CYP24A1: variants seen among roughly 807,000 people sequenced by gnomAD.
CYP24A1 encodes 1,25-dihydroxyvitamin D(3) 24-hydroxylase, mitochondrial.
CYP24A1 carries 68 observed loss-of-function variants against 62.4 expected under a neutral mutation model. That is an observed-to-expected ratio of 1.09 (90% confidence interval 0.90 to 1.33). CYP24A1 has a LOEUF of 1.33. CYP24A1 is among the 40% of genes most tolerant of loss of function. The pLI is 0.00. For missense variants in CYP24A1, 787 were observed against 653.0 expected (o/e 1.21, Z -2.24); for synonymous variants, 267 against 253.0 (o/e 1.06, Z -0.52).
rs1207503913 is a variant in CYP24A1, at chr20:54,159,091, AT to A, written c.1022del (p.Asn341IlefsTer31). 2.8e-5 allele frequency: 45 copies of A among 1,613,912 alleles called. No homozygotes were observed. Among genetic ancestry groups the A allele is most frequent in the Non-Finnish European group, 3.6e-5 (43 of 1,179,912 alleles). On this transcript the variant is annotated frameshift_variant, in exon 8 of 12. Coordinates refer to ENST00000216862, the MANE Select transcript of CYP24A1 (RefSeq NM_000782.5). LOFTEE classifies it high-confidence loss of function. ...TANSLMWILY[N>X]LSRNPQVQQK... ...GTTGCACTTGGGGATTACGGGATAA[AT>A]TGTAGAGAATCCACATTAGACTGTT...
At chr20:54,156,671 G>A (rs541424237) in intron 11 of CYP24A1, among the ~76,000 whole-genome samples, 1 of 152,330 alleles carries the variant, frequency 6.6e-6, no homozygotes, top group Non-Finnish European at 1.5e-5. Flanking sequence ...TGTGTGTCGT[G>A]TAACTCACTA....
At position 54,157,500 on chromosome 20, in the gene CYP24A1, A is replaced by T; in HGVS notation, c.1322T>A (p.Leu441His). 2 of 1,600,574 alleles carry T rather than the reference A, an allele frequency of 1.2e-6. No homozygotes were observed. Among genetic ancestry groups the T allele is most frequent in the South Asian group, 2.2e-5 (2 of 90,814 alleles). The change falls in exon 10 of 12, where the codon CTT (leucine) becomes CAT (histidine). Residue 441 changes from leucine (L) to histidine (H), a missense_variant. Transcript: ENST00000216862. ...DSSQFRPERW[L>H]QEKEKINPFA... ...AGGATTAATTTTTTCCTTCTCCTGA[A>T]GCCAACGTTCAGGTCTAAACTGACT...
intron 8 of CYP24A1, 70 bp from the exon 9 acceptor site, chr20:54,158,234 G>A: frequency 6.2e-7 from 1 of 1,601,754 alleles, no homozygotes; most frequent in South Asian, 1.1e-5. Context: ...CAATGGGAAT[G>A]CAGATTGGAT....
At chr20:54,150,124 C>T (rs975343397), downstream of CYP24A1, among the ~76,000 whole-genome samples, 2 of 152,184 alleles carry the variant, frequency 1.3e-5, no homozygotes, top group African/African-American at 4.8e-5. Context: ...TTTGCAACCT[C>T]TGGCATAAAT....
chr20:54,165,946 C>T, intron 4 of CYP24A1, 113 bp from the exon 5 acceptor site: 1 of 777,774 alleles, frequency 1.3e-6, no homozygotes, highest in South Asian at 1.5e-5. Flanking sequence ...GTGGGATTTT[C>T]TGAGAAAAGG....
chr20:54,153,137 A>G (rs73912629), downstream of CYP24A1, among the ~76,000 whole-genome samples: 2,694 of 152,224 alleles, frequency 0.018, 78 homozygotes, highest in African/African-American at 0.061. Context: ...AAGAGAGAAC[A>G]GGCTCCCAGG....
At chr20:54,171,482 C>CT in intron 3 of CYP24A1, 95 bp downstream of exon 3, 2 of 1,609,386 alleles carry the variant, frequency 1.2e-6, no homozygotes, top group East Asian at 2.2e-5. Flanking sequence ...GAATTGCATT[C>CT]TTTTTTCCTT....
At chr20:54,162,540 T>TGGTGTCTAGTATGAGGCCGTGCGCTGA in intron 7 of CYP24A1, 177 bp downstream of exon 7, 5 of 626,842 alleles carry the variant, frequency 8.0e-6, no homozygotes, top group East Asian at 2.8e-5. Flanking sequence ...TGAGGCACCG[T>TGGTGTCTAGTATGAGGCCGTGCGCTGA]GGCATAGATG....
chr20:54,156,845 T>C (rs1017807994), intron 11 of CYP24A1, among the ~76,000 whole-genome samples: 2 of 152,196 alleles, frequency 1.3e-5, no homozygotes, highest in African/African-American at 4.8e-5. Flanking sequence ...ACTGGCCCTT[T>C]ACGGAAAAAG....
the CYP24A1 span, among the ~76,000 whole-genome samples, chr20:54,148,369 GACACACACACACACACAC>G: frequency 1.3e-4 from 18 of 133,376 alleles, no homozygotes; most frequent in African/African-American, 4.5e-4. Flanking sequence ...CAGACACACA[GACACACACACACACACAC>G]ACACACACAC....
intron 7 of CYP24A1, among the ~76,000 whole-genome samples, chr20:54,159,719 G>A (rs118101018): frequency 3.9e-5 from 6 of 152,216 alleles, no homozygotes; most frequent in South Asian, 2.1e-4. Context: ...ATAATTGTTC[G>A]AACACAAATG....
At chr20:54,157,652 C>T in intron 9 of CYP24A1, 67 bp from the exon 10 acceptor site, 1 of 917,170 alleles carries the variant, frequency 1.1e-6, no homozygotes. Context: ...GCAAAATTGA[C>T]ACAAGTTGTC....
intron 8 of CYP24A1, among the ~76,000 whole-genome samples, 171 bp downstream of exon 8, chr20:54,158,786 A>C (rs1032684485): frequency 1.3e-5 from 2 of 152,206 alleles, no homozygotes; most frequent in Non-Finnish European, 2.9e-5. Flanking sequence ...TGCCCAAATG[A>C]TTTAGGAAAT....
intron 7 of CYP24A1, 58 bp downstream of exon 7, chr20:54,162,659 T>C (rs1170555452): frequency 3.8e-6 from 4 of 1,050,964 alleles, no homozygotes; most frequent in Non-Finnish European, 4.5e-6. Context: ...TTAAAATCTG[T>C]CATCTAAAAA....
In CYP24A1 at chr20:54,173,936, G is replaced by C; in HGVS notation, c.-357C>G. 2.9e-6 allele frequency: 1 copy of C among 346,642 alleles called. No homozygotes were observed. The highest frequency in any genetic ancestry group is 5.4e-6 in the Non-Finnish European group (1 of 185,768). 21.5% of individuals were successfully genotyped at this position (346,642 alleles called of 1,614,324 possible). On this transcript the variant is annotated 5_prime_UTR_variant, in exon 1 of 12. Transcript: ENST00000216862. The surrounding 1 kb of genome is among the most constrained non-coding windows in gnomAD (Gnocchi z 7.2). ...GCTGGAGCCACGGGGAGGTGTCAAG[G>C]AGGGTAGATGAGATGCTGCTGGCGC...
intron 3 of CYP24A1, among the ~76,000 whole-genome samples, chr20:54,170,672 G>A (rs997940877): frequency 6.6e-6 from 1 of 152,080 alleles, no homozygotes; most frequent in Non-Finnish European, 1.5e-5. Flanking sequence ...TTCTGACATG[G>A]CATTCGTTTG....
intron 9 of CYP24A1, among the ~76,000 whole-genome samples, 176 bp downstream of exon 9, chr20:54,157,910 G>C (rs1298767620): frequency 2.0e-5 from 3 of 152,210 alleles, no homozygotes; most frequent in African/African-American, 7.2e-5. Context: ...GCAGGTCTCT[G>C]TCTCCATAGC....
At chr20:54,159,161 A>G (rs1555889292) in intron 7 of CYP24A1, 38 bp from the exon 8 acceptor site, 3 of 1,532,570 alleles carry the variant, frequency 2.0e-6, no homozygotes, top group Non-Finnish European at 2.7e-6. Flanking sequence ...GTTTTTGTAA[A>G]TAACTGCATT....
At chr20:54,168,465 G>A (rs1285763771) in intron 4 of CYP24A1, among the ~76,000 whole-genome samples, 1 of 151,780 alleles carries the variant, frequency 6.6e-6, no homozygotes, top group Non-Finnish European at 1.5e-5. Flanking sequence ...CTTGTTCATC[G>A]TGATCCACTC....
Sources: gnomAD v4.1 joint callset for allele counts (sites outside exome capture counted in the v4.1 genomes callset) on GRCh38, gnomAD v4.1.1 for gene constraint, Gnocchi (gnomAD v3.1) non-coding constraint, MANE v1.5 for transcripts, NCBI Gene and HGNC (gene_info 2026-07-23, HGNC 2026-07-21) for gene names.